The following AHI1 variants were observed in gnomAD, a reference collection of about 807,000 sequenced individuals.
The protein encoded by AHI1 is Abelson helper integration site 1, also known as jouberin.
A neutral mutation model predicts 149.3 loss-of-function variants in AHI1; 123 were observed. The observed-to-expected ratio is 0.82, with a 90% CI of 0.71 to 0.96. AHI1 has a LOEUF of 0.96. AHI1 is among the 40% of genes least tolerant of loss of function. The pLI is 0.00. For missense variants in AHI1, 1,439 were observed against 1,422.7 expected (o/e 1.01, Z -0.18); for synonymous variants, 475 against 459.8 (o/e 1.03, Z -0.42).
chr6:135,461,634 C>T (rs771892866), intron 8 of AHI1, among the ~76,000 whole-genome samples: 1 of 151,932 alleles, frequency 6.6e-6, no homozygotes, highest in Non-Finnish European at 1.5e-5. Context: ...TGTGAATTAC[C>T]GCTTTACTTA....
At chr6:135,342,821 A>G (rs1011321926) in intron 24 of AHI1, among the ~76,000 whole-genome samples, 38 of 151,776 alleles carry the variant, frequency 2.5e-4, no homozygotes, top group African/African-American at 8.9e-4. Context: ...CATACATAAC[A>G]GCATAGCTAA....
At chr6:135,376,546 T>A (rs935133780) in intron 23 of AHI1, among the ~76,000 whole-genome samples, 1 of 152,214 alleles carries the variant, frequency 6.6e-6, no homozygotes, top group South Asian at 2.1e-4. Flanking sequence ...AGCCTGAATA[T>A]AATCAGGATG....
intron 20 of AHI1, among the ~76,000 whole-genome samples, chr6:135,426,717 T>G (rs1049822146): frequency 6.6e-6 from 1 of 151,688 alleles, no homozygotes; most frequent in South Asian, 2.1e-4. Flanking sequence ...TATTTCCTTA[T>G]TATTTCTCAG....
intron 23 of AHI1, among the ~76,000 whole-genome samples, chr6:135,391,080 G>A (rs964121940): frequency 2.0e-5 from 3 of 152,116 alleles, no homozygotes; most frequent in Admixed American, 2.0e-4. Flanking sequence ...GATTTGTTAA[G>A]AACTTAGACT....
intron 20 of AHI1, among the ~76,000 whole-genome samples, chr6:135,413,255 G>A (rs1781865736): frequency 6.6e-6 from 1 of 152,154 alleles, no homozygotes; most frequent in South Asian, 2.1e-4. Context: ...GATTGCTTGA[G>A]ACTGGAGGTC....
intron 5 of AHI1, among the ~76,000 whole-genome samples, chr6:135,480,750 G>C (rs1278529452): frequency 1.3e-5 from 2 of 152,160 alleles, no homozygotes; most frequent in African/African-American, 4.8e-5. Context: ...ACCAGTACTG[G>C]TCCATGGCCT....
At chr6:135,437,493 T>C (rs1226405526) in intron 15 of AHI1, among the ~76,000 whole-genome samples, 4 of 152,248 alleles carry the variant, frequency 2.6e-5, no homozygotes, top group Non-Finnish European at 5.9e-5. Flanking sequence ...TCTCATCTTT[T>C]TCATTTAAAT....
intron 17 of AHI1, 115 bp downstream of exon 17, chr6:135,431,091 CTG>C: frequency 6.3e-6 from 4 of 636,308 alleles, no homozygotes; most frequent in Non-Finnish European, 1.0e-5. Context: ...CTAAGAAAAA[CTG>C]TTAATTTTTT....
At chr6:135,309,039 C>A (rs1784842108) in intron 26 of AHI1, among the ~76,000 whole-genome samples, 1 of 152,182 alleles carries the variant, frequency 6.6e-6, no homozygotes, top group Non-Finnish European at 1.5e-5. Flanking sequence ...GGCTGAGGTA[C>A]ATATATCAAA....
intron 15 of AHI1, among the ~76,000 whole-genome samples, chr6:135,436,128 AG>A (rs1785365363): frequency 6.6e-6 from 1 of 152,226 alleles, no homozygotes; most frequent in East Asian, 1.9e-4. Context: ...TTAGCATATC[AG>A]CAAGAGTCAA....
intron 11 of AHI1, among the ~76,000 whole-genome samples, chr6:135,452,301 A>G (rs1334804842): frequency 1.3e-5 from 2 of 152,262 alleles, no homozygotes; most frequent in Non-Finnish European, 2.9e-5. Flanking sequence ...AAGACTTTTC[A>G]TAATTTAAAT....
chr6:135,361,660 C>T (rs1413955850), intron 23 of AHI1, among the ~76,000 whole-genome samples: 13 of 147,342 alleles, frequency 8.8e-5, no homozygotes, highest in African/African-American at 3.1e-4. Flanking sequence ...CACACACACA[C>T]ACACACACAC....
intron 26 of AHI1, among the ~76,000 whole-genome samples, chr6:135,311,728 T>G (rs1785238042): frequency 1.3e-5 from 2 of 152,258 alleles, no homozygotes; most frequent in Admixed American, 1.3e-4. Context: ...TCAAAGCTTC[T>G]GAGTTTCTCT....
chr6:135,354,000 T>C (rs1792562454), intron 24 of AHI1, among the ~76,000 whole-genome samples: 4 of 152,130 alleles, frequency 2.6e-5, no homozygotes, highest in African/African-American at 9.6e-5. Flanking sequence ...ATTCTAATAA[T>C]TAAAGGAATA....
intron 19 of AHI1, among the ~76,000 whole-genome samples, chr6:135,427,590 T>C (rs185487499): frequency 7.2e-5 from 11 of 151,788 alleles, no homozygotes; most frequent in Non-Finnish European, 1.5e-4. Context: ...GAGAGGTATA[T>C]GACTCTAAGA....
chr6:135,431,344 T>C (rs747365740), intron 16 of AHI1, 30 bp from the exon 17 acceptor site: 2 of 1,353,654 alleles, frequency 1.5e-6, no homozygotes, highest in South Asian at 1.3e-5. Context: ...CACTCACTTA[T>C]GAATGTCACA....
At chr6:135,474,129 G>C (rs1042243806) in intron 5 of AHI1, among the ~76,000 whole-genome samples, 2 of 152,228 alleles carry the variant, frequency 1.3e-5, no homozygotes, top group Admixed American at 1.3e-4. Context: ...TCTGATGCTT[G>C]GTTGCTTAGG....
Position 135,466,095 on chromosome 6 carries a change from T to C in AHI1, c.468A>G (p.Lys156=). The change falls in exon 7 of 29, where the codon AAA becomes AAG. Residue 156 remains lysine (K), a synonymous_variant. Transcript: ENST00000265602. ...PENKVDSTHQ[K]THTKPQPGVD... is the part of the protein sequence containing the mutation. ...CGCCTGGCTGTGGCTTTGTATGTGT[T>C]TTCTGGTGTGTAGAATCAACCTTAT... 6.2e-7 allele frequency: 1 copy of C among 1,613,968 alleles called. No homozygotes were observed. Among genetic ancestry groups the C allele is most frequent in the South Asian group, 1.1e-5 (1 of 91,072 alleles).
chr6:135,440,218 T>C (rs1452122886), intron 14 of AHI1, among the ~76,000 whole-genome samples: 1 of 152,092 alleles, frequency 6.6e-6, no homozygotes, highest in Non-Finnish European at 1.5e-5. Context: ...CCAGGAAAGA[T>C]CCACTGTCAG....
Sources: allele counts gnomAD v4.1 joint callset (sites outside exome capture counted in the v4.1 genomes callset), GRCh38; gene constraint gnomAD v4.1.1; transcripts MANE v1.5; gene names NCBI Gene and HGNC (gene_info 2026-07-23, HGNC 2026-07-21).